SPTB: variants seen among roughly 807,000 people sequenced by gnomAD.
SPTB encodes the protein spectrin beta chain, erythrocytic.
In SPTB, 45 loss-of-function variants were observed where a neutral mutation model predicts 256.2. That is an observed-to-expected ratio of 0.18 (90% CI 0.14 to 0.23). The LOEUF is 0.23. Among genes scored for constraint, SPTB ranks in the 10% least tolerant of loss-of-function variants. The pLI, the probability that SPTB is intolerant of heterozygous loss-of-function variation, is 1.00. For synonymous variants in SPTB, 1,231 were observed against 1,243.1 expected (o/e 0.99, Z 0.21); for missense variants, 2,715 against 3,040.4 (o/e 0.89, Z 2.52).
At chr14:64,831,818 A>C (rs2052457868) in intron 1 of SPTB, among the ~76,000 whole-genome samples, 1 of 152,260 alleles carries the variant, frequency 6.6e-6, no homozygotes, top group South Asian at 2.1e-4. Context: ...CTGGAGGATC[A>C]TAGAAACAGT....
intron 15 of SPTB, among the ~76,000 whole-genome samples, chr14:64,788,142 C>A (rs975891180): frequency 1.3e-5 from 2 of 152,166 alleles, no homozygotes; most frequent in Admixed American, 1.3e-4. Context: ...AGGATTAAGG[C>A]AGCTGGAAGG....
intron 19 of SPTB, 151 bp from the exon 20 acceptor site, chr14:64,782,704 C>G (rs1415370785): frequency 1.6e-5 from 20 of 1,226,200 alleles, no homozygotes; most frequent in Non-Finnish European, 2.2e-5. Context: ...GAAATGAACT[C>G]TGAATCCCCA....
rs142852803 is a variant in SPTB at position 64,800,394 on chromosome 14, G to T, written c.876+362C>A. 1.1e-3 allele frequency among the ~76,000 whole-genome samples: 161 copies of T among 152,374 alleles called. 1 individual carries two copies. The highest frequency in any genetic ancestry group is 3.5e-3 in the African/African-American group (146 of 41,584). Reference sequence around the variant, plus strand: ...CAGAGGGAAGGAATCTGGCATGAGGGTCTATACCAATGGGTGAGTTTCTGG... The same window carrying T: ...CAGAGGGAAGGAATCTGGCATGAGGTTCTATACCAATGGGTGAGTTTCTGG... On this transcript the variant is annotated intron_variant, in intron 8 of 35. Transcript: ENST00000644917.
chr14:64,748,999 T>TGGGAGAGGAGGGC lies in SPTB; in HGVS notation c.*294_*306dup, dbSNP rs2081895521. On this transcript the variant is annotated 3_prime_UTR_variant, in exon 36 of 36. Coordinates refer to ENST00000644917, the MANE Select transcript of SPTB (RefSeq NM_001355436.2). ...GTGCCCCCTCGGCTCAGGAGGAGGG[T>TGGGAGAGGAGGGC]GGGAGAGGAGGGCGTGTGCCTCAGA... is the stretch of plus-strand genomic sequence containing the variant. 1 of 203,038 alleles carries TGGGAGAGGAGGGC rather than the reference T, an allele frequency of 4.9e-6. No individual in the cohort carries two copies. The allele number at this position is 203,038 out of a possible 1,614,324, so 12.6% of individuals were successfully genotyped here. A position where few individuals can be genotyped will look rare whatever the true frequency, so the allele number is the denominator to read the frequency against.
chr14:64,806,985 A>G lies in SPTB; in HGVS notation c.149-1895T>C, dbSNP rs917876367. On this transcript the variant is annotated intron_variant, in intron 2 of 35. Coordinates refer to ENST00000644917, the MANE Select transcript of SPTB (RefSeq NM_001355436.2). The surrounding 1 kb of genome is among the most constrained non-coding windows in gnomAD (Gnocchi z 4.1). ...CCTTTTGTCAACAGCAAATTAAACC[A>G]CTTTCCTGATTTCAAATGCTGCTTC... 1.3e-5 allele frequency among the ~76,000 whole-genome samples: 2 copies of G among 152,184 alleles called. No individual in the cohort carries two copies. Among genetic ancestry groups the G allele is most frequent in the African/African-American group, 2.4e-5 (1 of 41,446 alleles).
chr14:64,810,116 A>G (rs7149843), intron 2 of SPTB, among the ~76,000 whole-genome samples: 17,967 of 152,192 alleles, frequency 0.12, 1,955 homozygotes, highest in African/African-American at 0.29. Flanking sequence ...CTATCAAAGA[A>G]TAGTGTAAAC....
Position 64,753,487 on chromosome 14 carries a change from C to G in SPTB, c.6602+50G>C, listed in dbSNP as rs745701182. ...CCAAGGCTCTGCTAGCAGAGAGATCCCTGAGAGCTGCCCAACCTACCCTCA... is the reference window on the plus strand; with the variant it reads ...CCAAGGCTCTGCTAGCAGAGAGATCGCTGAGAGCTGCCCAACCTACCCTCA... On this transcript the variant is annotated intron_variant, in intron 33 of 35. Coordinates refer to ENST00000644917, the MANE Select transcript of SPTB (RefSeq NM_001355436.2). 1.2e-5 allele frequency: 20 copies of G among 1,611,338 alleles called. No individual in the cohort carries two copies. In the South Asian group the frequency reaches 2.2e-4, roughly 18 times the overall value.
rs1025721643 is a variant in SPTB, at chr14:64,764,872, C to T, written c.6345+1854G>A. On this transcript the variant is annotated intron_variant, in intron 32 of 35. Coordinates refer to ENST00000644917, the MANE Select transcript of SPTB (RefSeq NM_001355436.2). The surrounding 1 kb of genome is among the most constrained non-coding windows in gnomAD (Gnocchi z 4.2). ...ACACAGTCCACCACAGACAGGGAGGCGACCCCACATGCGATGACGGGAGCT... is the reference window on the plus strand; with the variant it reads ...ACACAGTCCACCACAGACAGGGAGGTGACCCCACATGCGATGACGGGAGCT... 2.0e-5 allele frequency among the ~76,000 whole-genome samples: 3 copies of T among 152,082 alleles called. No individual in the cohort carries two copies. The highest frequency in any genetic ancestry group is 4.4e-5 in the Non-Finnish European group (3 of 68,012).
At chr14:64,798,930 CGTGTGTAT>C (rs1192603442) in intron 9 of SPTB, among the ~76,000 whole-genome samples, 12 of 152,212 alleles carry the variant, frequency 7.9e-5, no homozygotes, top group South Asian at 4.2e-4. Context: ...TGGAATGCCC[CGTGTGTAT>C]GTGTGTATGT....
At chr14:64,787,426 G>A (rs1342520501) in intron 15 of SPTB, among the ~76,000 whole-genome samples, 1 of 152,228 alleles carries the variant, frequency 6.6e-6, no homozygotes, top group Non-Finnish European at 1.5e-5. Flanking sequence ...CATAAGTAAA[G>A]GAACATGAAA....
intron 1 of SPTB, among the ~76,000 whole-genome samples, chr14:64,867,823 C>T (rs7149922): frequency 0.82 from 121,503 of 148,956 alleles, 50,799 homozygotes; most frequent in Non-Finnish European, 0.91. Flanking sequence ...CACTGTACTC[C>T]AGCCCTCTGG....
intron 1 of SPTB, among the ~76,000 whole-genome samples, chr14:64,828,139 CCTGGTCATT>C (rs1241313006): frequency 1.3e-5 from 2 of 152,198 alleles, no homozygotes; most frequent in Admixed American, 6.5e-5. Context: ...TCTGCAATAT[CCTGGTCATT>C]CTGGTCGACT....
At chr14:64,835,274 A>C (rs1389577641) in intron 1 of SPTB, among the ~76,000 whole-genome samples, 1 of 152,100 alleles carries the variant, frequency 6.6e-6, no homozygotes, top group Non-Finnish European at 1.5e-5. Context: ...TTTGAGACAG[A>C]GTCTTGCCCT....
At chr14:64,757,387 T>C (rs1033106452) in intron 32 of SPTB, 6 of 152,274 alleles carry the variant, frequency 3.9e-5, no homozygotes, top group Non-Finnish European at 8.8e-5. Context: ...TTCCTCTTAA[T>C]GGGTGCCTGG....
intron 2 of SPTB, among the ~76,000 whole-genome samples, chr14:64,818,567 A>G (rs2083232924): frequency 1.3e-5 from 2 of 152,142 alleles, no homozygotes; most frequent in Admixed American, 1.3e-4. Context: ...GTCTGTACCC[A>G]GGTGCAGGGA....
At position 64,793,936 on chromosome 14, in the gene SPTB, G is replaced by A. The variant is rs1029310492; in HGVS notation, c.1796-69C>T. 2.0e-6 allele frequency: 3 copies of A among 1,517,642 alleles called. No homozygotes were observed. The highest frequency in any genetic ancestry group is 4.5e-5 in the East Asian group (2 of 44,058). 94.0% of individuals were successfully genotyped at this position (1,517,642 alleles called of 1,614,324 possible). A position where few individuals can be genotyped will look rare whatever the true frequency, so the allele number is the denominator to read the frequency against. On this transcript the variant is annotated intron_variant, in intron 13 of 35. Coordinates refer to ENST00000644917, the MANE Select transcript of SPTB (RefSeq NM_001355436.2). The surrounding 1 kb of genome is among the most constrained non-coding windows in gnomAD (Gnocchi z 7.0). ...TCATTTATGGGCACGCTTCAGATAA[G>A]CTGCTAGGTTGGAACTACACAACCC...
At position 64,775,326 on chromosome 14, in the gene SPTB, C is replaced by A; in HGVS notation, c.4641G>T (p.Ala1547=). ...VLQRGQQLVE[A]AEIDCQDLEE... is the part of the protein sequence containing the mutation. ...CAAGGTCCTGGCAGTCGATCTCCGC[C>A]GCCTCCACCAGCTGCTGCCCTCTCT... The change falls in exon 23 of 36, where the codon GCG becomes GCT. Residue 1547 remains alanine (A), a synonymous_variant. Transcript: ENST00000644917. This position sits in a 1 kb window ranked among gnomAD's most constrained non-coding sequence, Gnocchi z 5.0. 2 of 1,612,880 alleles carry A rather than the reference C, an allele frequency of 1.2e-6. No homozygotes were observed. The highest frequency in any genetic ancestry group is 1.7e-6 in the Non-Finnish European group (2 of 1,179,554).
intron 1 of SPTB, among the ~76,000 whole-genome samples, chr14:64,832,006 A>G (rs923462633): frequency 6.6e-6 from 1 of 152,220 alleles, no homozygotes; most frequent in Non-Finnish European, 1.5e-5. Context: ...GGAAAATGGA[A>G]ATAAAAGGAA....
intron 1 of SPTB, among the ~76,000 whole-genome samples, chr14:64,833,299 C>T (rs993079429): frequency 1.2e-4 from 19 of 152,182 alleles, no homozygotes; most frequent in Non-Finnish European, 1.9e-4. Context: ...GCCCATAATC[C>T]GAGCACTTTG....
Sources: gnomAD v4.1 joint callset for allele counts (sites outside exome capture counted in the v4.1 genomes callset) on GRCh38, gnomAD v4.1.1 for gene constraint, Gnocchi (gnomAD v3.1) non-coding constraint, MANE v1.5 for transcripts, NCBI Gene and HGNC (gene_info 2026-07-23, HGNC 2026-07-21) for gene names.